PKD2: variants seen among roughly 807,000 people sequenced by gnomAD.
The protein encoded by PKD2 is polycystin-2.
A neutral mutation model predicts 105.9 loss-of-function variants in PKD2; 48 were observed. The observed-to-expected ratio is 0.45, with a 90% CI of 0.36 to 0.58. The LOEUF is 0.58. Among genes scored for constraint, PKD2 ranks in the 20% least tolerant of loss-of-function variants. PKD2 has a pLI of 0.00. For synonymous variants in PKD2, 464 were observed against 481.1 expected (o/e 0.96, Z 0.46); for missense variants, 1,078 against 1,255.3 (o/e 0.86, Z 2.13).
chr4:88,062,472 A>T (rs1047064856), intron 10 of PKD2, among the ~76,000 whole-genome samples: 4 of 152,262 alleles, frequency 2.6e-5, no homozygotes, highest in Admixed American at 6.5e-5. Flanking sequence ...CAGTTTTAAA[A>T]TAAGCAAAGG....
chr4:88,024,457 G>GAAAAAAAAAA (rs552942631), intron 2 of PKD2, among the ~76,000 whole-genome samples: 148 of 50,298 alleles, frequency 2.9e-3, no homozygotes, highest in African/African-American at 5.2e-3. Flanking sequence ...ACTCTGTCTC[G>GAAAAAAAAAA]AAAAAAAAAA....
intron 10 of PKD2, among the ~76,000 whole-genome samples, chr4:88,062,773 GATATATGTT>G (rs1019035666): frequency 4.0e-5 from 6 of 151,828 alleles, no homozygotes; most frequent in Admixed American, 2.0e-4. Flanking sequence ...TGTTATCTGT[GATATATGTT>G]ATAATAGAAA....
chr4:88,054,171 A>G (rs1720223307), intron 7 of PKD2, among the ~76,000 whole-genome samples: 1 of 151,984 alleles, frequency 6.6e-6, no homozygotes, highest in Non-Finnish European at 1.5e-5. Flanking sequence ...TGAGGCGGGC[A>G]GATCACCTGA....
chr4:88,074,758 G>T, intron 13 of PKD2, 54 bp from the exon 14 acceptor site: 1 of 1,600,018 alleles, frequency 6.2e-7, no homozygotes, highest in South Asian at 1.1e-5. Context: ...AGCCAGTGGG[G>T]CTGAAAAGAC....
At chr4:88,038,628 C>T (rs1325626413) in intron 4 of PKD2, 127 bp downstream of exon 4, 2 of 972,300 alleles carry the variant, frequency 2.1e-6, no homozygotes, top group Non-Finnish European at 3.3e-6. Flanking sequence ...CTCTTCAGTG[C>T]TTATATTTAA....
Position 88,007,835 on chromosome 4 carries a change from G to C in PKD2, c.102G>C (p.Ala34=), listed in dbSNP as rs1489014680. The change falls in exon 1 of 15, where the codon GCG becomes GCC. Residue 34 remains alanine (A), a synonymous_variant. Coordinates refer to ENST00000237596, the MANE Select transcript of PKD2 (RefSeq NM_000297.4). ...CGGGCCGGCTGATGGCTGGCTGCGC[G>C]GCCGTGGGCGCCAGCCTCGCCGCCC... ...PDPGRLMAGC[A]AVGASLAAPG... The C allele has an allele frequency of 8.4e-7, 1 of 1,194,892 alleles. No individual in the cohort carries two copies. Among genetic ancestry groups the C allele is most frequent in the African/African-American group, 1.6e-5 (1 of 62,344 alleles). The allele number at this position is 1,194,892 out of a possible 1,614,324, so 74.0% of individuals were successfully genotyped here.
chr4:88,031,266 G>A (rs1275500904), intron 2 of PKD2, among the ~76,000 whole-genome samples: 1 of 152,160 alleles, frequency 6.6e-6, no homozygotes, highest in Non-Finnish European at 1.5e-5. Context: ...CAGTAGGTTA[G>A]GTATATTAAA....
chr4:88,017,887 G>GACT (rs1375800814), intron 1 of PKD2, among the ~76,000 whole-genome samples: 2 of 152,184 alleles, frequency 1.3e-5, no homozygotes, highest in African/African-American at 2.4e-5. Context: ...GGAGTAAAGA[G>GACT]ACTAGCAGTC....
At chr4:88,054,100 C>A (rs1194330144) in intron 7 of PKD2, among the ~76,000 whole-genome samples, 2 of 151,988 alleles carry the variant, frequency 1.3e-5, no homozygotes, top group East Asian at 1.9e-4. Flanking sequence ...TAATAATAAT[C>A]AAGATAGTAA....
intron 7 of PKD2, 101 bp downstream of exon 7, chr4:88,052,259 C>T: frequency 1.3e-6 from 1 of 768,978 alleles, no homozygotes; most frequent in South Asian, 1.6e-5. Flanking sequence ...ATTCAAGTGA[C>T]CAGCCAAAGC....
At chr4:88,046,148 G>A (rs1578135557) in intron 5 of PKD2, among the ~76,000 whole-genome samples, 1 of 152,084 alleles carries the variant, frequency 6.6e-6, no homozygotes, top group Admixed American at 6.5e-5. Context: ...AAATTAGTTG[G>A]GCATGGTGCT....
At position 88,055,692 on chromosome 4, in the gene PKD2, G is replaced by A. The variant is rs914104443; in HGVS notation, c.1717-394G>A. 2.7e-5 allele frequency among the ~76,000 whole-genome samples: 4 copies of A among 147,916 alleles called. No homozygotes were observed. In the Admixed American group the frequency reaches 2.7e-4, roughly 10 times the overall value. ...GCATAAAACCTACTGTTTTAACCATGCTTAAGTGTACAATTCAGTGGCATT... is the reference window on the plus strand; with the variant it reads ...GCATAAAACCTACTGTTTTAACCATACTTAAGTGTACAATTCAGTGGCATT... On this transcript the variant is annotated intron_variant, in intron 7 of 14. Transcript: ENST00000237596.
At chr4:88,064,933 T>G (rs1720734200) in intron 10 of PKD2, among the ~76,000 whole-genome samples, 1 of 127,390 alleles carries the variant, frequency 7.8e-6, no homozygotes, top group Admixed American at 8.8e-5. Flanking sequence ...CTGGGTTTTT[T>G]GTTTGTTTGT....
chr4:88,052,212 A>AG, intron 7 of PKD2, 54 bp downstream of exon 7: 1 of 1,137,606 alleles, frequency 8.8e-7, no homozygotes, highest in South Asian at 1.3e-5. Context: ...TTTAAAAAAA[A>AG]TGAGTTCCAC....
In PKD2 at chr4:88,007,784, G is replaced by T; in HGVS notation, c.51G>T (p.Arg17=). Residue 17 remains arginine (R), a synonymous_variant, in exon 1 of 15, where the codon CGG becomes CGT. Transcript: ENST00000237596. ...VQPQQPGDAK[R]PPAPRAPDPG... The stretch of plus-strand genomic sequence containing the variant: ...CTCAGCAGCCCGGGGACGCCAAGCG[G>T]CCGCCCGCGCCCCGCGCGCCGGACC... 8.6e-7 allele frequency: 1 copy of T among 1,164,382 alleles called. No individual in the cohort carries two copies. The highest frequency in any genetic ancestry group is 1.1e-6 in the Non-Finnish European group (1 of 938,662). The allele number at this position is 1,164,382 out of a possible 1,614,324, so 72.1% of individuals were successfully genotyped here.
At chr4:88,008,538 T>G (rs1726275716) in intron 1 of PKD2, among the ~76,000 whole-genome samples, 1 of 152,188 alleles carries the variant, frequency 6.6e-6, no homozygotes, top group Non-Finnish European at 1.5e-5. Flanking sequence ...TGGTGCATAT[T>G]TATTGGATAC....
intron 1 of PKD2, among the ~76,000 whole-genome samples, chr4:88,015,265 C>G (rs917180573): frequency 2.6e-4 from 39 of 152,110 alleles, no homozygotes; most frequent in African/African-American, 8.9e-4. Flanking sequence ...ATTGCTACCC[C>G]CTATCATATC....
rs892360930 is a variant in PKD2 at position 88,076,575 on chromosome 4, A to T, written c.*881A>T. 2 of 152,242 alleles carry T rather than the reference A, an allele frequency of 1.3e-5. No individual in the cohort carries two copies. The highest frequency in any genetic ancestry group is 4.8e-5 in the African/African-American group (2 of 41,464). The allele number at this position is 152,242 out of a possible 1,614,324, so 9.4% of individuals were successfully genotyped here. A position where few individuals can be genotyped will look rare whatever the true frequency, so the allele number is the denominator to read the frequency against. On this transcript the variant is annotated 3_prime_UTR_variant, in exon 15 of 15. Transcript: ENST00000237596. The stretch of plus-strand genomic sequence containing the variant: ...TGTTATAACTCATCTAGTGAGACCA[A>T]CTTACTAAATTTTTAGTATGCACTG...
intron 7 of PKD2, 92 bp from the exon 8 acceptor site, chr4:88,055,994 A>G: frequency 2.3e-6 from 2 of 886,284 alleles, no homozygotes; most frequent in Non-Finnish European, 3.8e-6. Context: ...GTCAGAATTT[A>G]ATTTCTTTTC....
Sources: gnomAD v4.1 joint callset for allele counts (sites outside exome capture counted in the v4.1 genomes callset) on GRCh38, gnomAD v4.1.1 for gene constraint, MANE v1.5 for transcripts, NCBI Gene and HGNC (gene_info 2026-07-23, HGNC 2026-07-21) for gene names.